The following IQSEC1 variants were observed in gnomAD, a reference collection of about 807,000 sequenced individuals.
The protein encoded by IQSEC1 is IQ motif and Sec7 domain ArfGEF 1, also known as IQ motif and SEC7 domain-containing protein 1.
IQSEC1 carries 31 observed loss-of-function variants against 91.0 expected under a neutral mutation model. That is an observed-to-expected ratio of 0.34 (90% CI 0.26 to 0.46). The LOEUF is 0.46. IQSEC1 is among the 20% of genes least tolerant of loss of function. The pLI, the probability that IQSEC1 is intolerant of heterozygous loss-of-function variation, is 1.00. For synonymous variants in IQSEC1, 699 were observed against 662.6 expected (o/e 1.05, Z -0.84); for missense variants, 1,388 against 1,575.6 (o/e 0.88, Z 2.02).
At chr3:12,981,404 A>G (rs1191893324) in intron 1 of IQSEC1, among the ~76,000 whole-genome samples, 1 of 152,176 alleles carries the variant, frequency 6.6e-6, no homozygotes, top group Non-Finnish European at 1.5e-5. Context: ...TTGCTTATGT[A>G]TATGTGAAAC....
chr3:13,015,634 C>T (rs2124939634), intron 1 of IQSEC1: 1 of 985,352 alleles, frequency 1.0e-6, no homozygotes, highest in East Asian at 1.1e-4. Flanking sequence ...TGGCCTGCCT[C>T]TGCGGCCCCG....
rs943526642 is a variant in IQSEC1 at position 13,103,721 on chromosome 3, C to G, written c.303-56199G>C. Among the ~76,000 whole-genome samples, 3 of 152,098 alleles carry G rather than the reference C, an allele frequency of 2.0e-5. No homozygotes were observed. On this transcript the variant is annotated intron_variant, in intron 2 of 15. Coordinates refer to the IQSEC1 transcript ENST00000648114. This position sits in a 1 kb window ranked among gnomAD's most constrained non-coding sequence, Gnocchi z 4.1. Reference sequence around the variant, plus strand: ...GAGCAGGGGAAGGTTGGAGGCCTGACCCCCAGAGGGTGCGCCTCCTACCCC... The same window carrying G: ...GAGCAGGGGAAGGTTGGAGGCCTGAGCCCCAGAGGGTGCGCCTCCTACCCC...
At chr3:13,145,323 C>T (rs943593849) in intron 2 of IQSEC1, among the ~76,000 whole-genome samples, 3 of 152,126 alleles carry the variant, frequency 2.0e-5, no homozygotes, top group African/African-American at 4.8e-5. Flanking sequence ...TGACCCAGGG[C>T]CACCCAGCTG....
At chr3:13,198,788 C>G (rs1353920567) in intron 1 of IQSEC1, among the ~76,000 whole-genome samples, 1 of 152,210 alleles carries the variant, frequency 6.6e-6, no homozygotes, top group Non-Finnish European at 1.5e-5. Flanking sequence ...CAGCAAGGCA[C>G]GTGGGAGCTG....
intron 1 of IQSEC1, among the ~76,000 whole-genome samples, chr3:12,953,350 C>G (rs79280744): frequency 6.6e-6 from 1 of 152,226 alleles, no homozygotes; most frequent in African/African-American, 2.4e-5. Flanking sequence ...TGAGCCTGGG[C>G]GGAGACCGGC....
At chr3:13,105,954 C>T (rs907749802) in intron 2 of IQSEC1, among the ~76,000 whole-genome samples, 3 of 152,192 alleles carry the variant, frequency 2.0e-5, no homozygotes, top group African/African-American at 4.8e-5. Context: ...TCAGGCGAAA[C>T]GCTGGGCTTT....
At chr3:13,149,601 A>G (rs1182172932) in intron 2 of IQSEC1, among the ~76,000 whole-genome samples, 1 of 152,086 alleles carries the variant, frequency 6.6e-6, no homozygotes, top group Non-Finnish European at 1.5e-5. Context: ...CGGCTCCTCT[A>G]TTGAGGCGGG....
intron 1 of IQSEC1, among the ~76,000 whole-genome samples, chr3:13,197,402 G>A (rs1694154599): frequency 6.6e-6 from 1 of 152,174 alleles, no homozygotes; most frequent in Admixed American, 6.5e-5. Flanking sequence ...TGAGTTCCCA[G>A]CCTGGCAGAC....
intron 1 of IQSEC1, among the ~76,000 whole-genome samples, chr3:13,272,196 C>T (rs1432241975): frequency 2.0e-5 from 3 of 152,174 alleles, no homozygotes; most frequent in Admixed American, 2.0e-4. Flanking sequence ...ACCTTCCCAA[C>T]CACCCTTGCT....
chr3:13,082,678 G>A (rs938819965), intron 2 of IQSEC1, among the ~76,000 whole-genome samples: 7 of 152,088 alleles, frequency 4.6e-5, no homozygotes, highest in Admixed American at 2.0e-4. Flanking sequence ...CCCTAGCCCC[G>A]CACTGGGAAG....
Position 12,942,772 on chromosome 3 carries a change from G to A in IQSEC1, c.24-907C>T, listed in dbSNP as rs536188474. Among the ~76,000 whole-genome samples, 37 of 152,360 alleles carry A rather than the reference G, an allele frequency of 2.4e-4. 1 individual carries two copies. The South Asian group carries it at 6.2e-3, about 26-fold the overall frequency. On this transcript the variant is annotated intron_variant, in intron 1 of 13. Coordinates refer to ENST00000613206, the MANE Select transcript of IQSEC1 (RefSeq NM_001134382.3). ...CACGGGACTGTGTTTTGGAAACAGG[G>A]TCTTTGTGGACACTGGGGTGTCCTG...
At chr3:13,076,530 G>A (rs1016024478), upstream of IQSEC1, among the ~76,000 whole-genome samples, 6 of 152,184 alleles carry the variant, frequency 3.9e-5, no homozygotes, top group Non-Finnish European at 5.9e-5. Flanking sequence ...GAGGGAGGAC[G>A]GAGAAGGTTG....
Position 12,899,684 on chromosome 3 carries a change from G to C in IQSEC1, c.*1299C>G. 2.0e-6 allele frequency: 2 copies of C among 985,426 alleles called. No individual in the cohort carries two copies. The highest frequency in any genetic ancestry group is 2.4e-6 in the Non-Finnish European group (2 of 829,932). 61.0% of individuals were successfully genotyped at this position (985,426 alleles called of 1,614,324 possible). On this transcript the variant is annotated 3_prime_UTR_variant, in exon 14 of 14. Coordinates refer to ENST00000613206, the MANE Select transcript of IQSEC1 (RefSeq NM_001134382.3). ...GCACATGGCTACATGGAATTACGGT[G>C]ATCACTGCTACCACTCAGAAAACAA...
At chr3:13,221,520 T>G (rs907136429) in intron 1 of IQSEC1, among the ~76,000 whole-genome samples, 1 of 152,170 alleles carries the variant, frequency 6.6e-6, no homozygotes, top group Non-Finnish European at 1.5e-5. Context: ...CCCAACTGCC[T>G]GCGGCCAAGC....
Position 12,900,883 on chromosome 3 carries a change from A to C in IQSEC1, c.*100T>G, listed in dbSNP as rs897351821. 114 of 1,534,736 alleles carry C rather than the reference A, an allele frequency of 7.4e-5. 1 individual carries two copies. In the Middle Eastern group the frequency reaches 1.2e-3, roughly 16 times the overall value. Reference sequence around the variant, plus strand: ...TGAGGGGCAGAGGGGAGAGATGGCAACAGAAGTGCCCCGGGTTTGGTGTGC... The same window carrying C: ...TGAGGGGCAGAGGGGAGAGATGGCACCAGAAGTGCCCCGGGTTTGGTGTGC... On this transcript the variant is annotated 3_prime_UTR_variant, in exon 14 of 14. Transcript: ENST00000613206.
chr3:12,967,298 C>T lies in IQSEC1; in HGVS notation c.24-25433G>A. On this transcript the variant is annotated intron_variant, in intron 1 of 13. Coordinates refer to ENST00000613206, the MANE Select transcript of IQSEC1 (RefSeq NM_001134382.3). The surrounding 1 kb of genome is among the most constrained non-coding windows in gnomAD (Gnocchi z 5.9). ...GCCGGGCGCCCGGTCCCGACGGTCA[C>T]CCGCACTCCCGCACAGGCATCCCCA... 1.7e-6 allele frequency: 2 copies of T among 1,195,140 alleles called. No individual in the cohort carries two copies. The highest frequency in any genetic ancestry group is 2.5e-5 in the Admixed American group (1 of 39,842). 74.0% of individuals were successfully genotyped at this position (1,195,140 alleles called of 1,614,324 possible). A position where few individuals can be genotyped will look rare whatever the true frequency, so the allele number is the denominator to read the frequency against.
At position 12,900,561 on chromosome 3, in the gene IQSEC1, G is replaced by A. The variant is rs184034438; in HGVS notation, c.*422C>T. On this transcript the variant is annotated 3_prime_UTR_variant, in exon 14 of 14. Coordinates refer to ENST00000613206, the MANE Select transcript of IQSEC1 (RefSeq NM_001134382.3). The stretch of plus-strand genomic sequence containing the variant: ...TTTTTTGCCCATTGTCAATAAAAGA[G>A]CAATAATGCAGCAAGTTTTGGGGTT... The A allele has an allele frequency of 4.1e-4, 410 of 997,054 alleles. 2 individuals carry two copies. The African/African-American group carries it at 6.6e-3, about 16-fold the overall frequency. 61.8% of individuals were successfully genotyped at this position (997,054 alleles called of 1,614,324 possible).
intron 1 of IQSEC1, among the ~76,000 whole-genome samples, chr3:12,964,142 T>C (rs1396186910): frequency 6.6e-6 from 1 of 152,216 alleles, no homozygotes; most frequent in Non-Finnish European, 1.5e-5. Flanking sequence ...TGCCATCAAT[T>C]TCCTCTCTGC....
chr3:13,057,153 C>T (rs1462986137), intron 1 of IQSEC1, among the ~76,000 whole-genome samples: 1 of 152,188 alleles, frequency 6.6e-6, no homozygotes, highest in Admixed American at 6.5e-5. Context: ...CAATGTGCTC[C>T]TGCCTTCCCC....
Sources: allele counts gnomAD v4.1 joint callset (sites outside exome capture counted in the v4.1 genomes callset), GRCh38; gene constraint gnomAD v4.1.1; non-coding constraint Gnocchi (gnomAD v3.1); transcripts MANE v1.5; gene names NCBI Gene and HGNC (gene_info 2026-07-23, HGNC 2026-07-21).